CCDC51: variants seen among roughly 807,000 people sequenced by gnomAD.
The protein encoded by CCDC51 is mitochondrial potassium channel.
In CCDC51, 25 loss-of-function variants were observed where a neutral mutation model predicts 24.8. The observed-to-expected ratio is 1.01, with a 90% CI of 0.73 to 1.41. CCDC51 has a LOEUF of 1.41. Among genes scored for constraint, CCDC51 ranks in the 40% most tolerant of loss-of-function variants. The pLI is 0.00. For missense variants in CCDC51, 466 were observed against 519.1 expected (o/e 0.90, Z 0.99); for synonymous variants, 190 against 204.3 (o/e 0.93, Z 0.60).
intron 2 of CCDC51, chr3:48,434,108 A>G: frequency 1.2e-6 from 1 of 831,220 alleles, no homozygotes; most frequent in Non-Finnish European, 1.7e-6. Flanking sequence ...CATGCCCCTG[A>G]AAAAACTTGA....
chr3:48,440,267 G>C (rs1412173127), upstream of CCDC51: 1 of 1,585,872 alleles, frequency 6.3e-7, no homozygotes, highest in Non-Finnish European at 8.6e-7. Context: ...GTTTCCGGTG[G>C]CAGGGTCTGG....
At chr3:48,443,910 G>C (rs779848119), upstream of CCDC51, 64 of 1,499,860 alleles carry the variant, frequency 4.3e-5, no homozygotes, top group Non-Finnish European at 5.4e-5. Flanking sequence ...AGGAGATGGT[G>C]ACCCTTTATT....
At chr3:48,441,345 G>GT (rs1222910489), upstream of CCDC51, among the ~76,000 whole-genome samples, 2,016 of 150,482 alleles carry the variant, frequency 0.013, 39 homozygotes, top group African/African-American at 0.045. Context: ...CACCTGGCCA[G>GT]TTTTTTTTTG....
chr3:48,443,556 T>A (rs2039614796), upstream of CCDC51, among the ~76,000 whole-genome samples: 1 of 151,844 alleles, frequency 6.6e-6, no homozygotes, highest in Admixed American at 6.6e-5. Context: ...AAAAAGGACT[T>A]CTTTTTCTGT....
upstream of CCDC51, among the ~76,000 whole-genome samples, chr3:48,444,422 G>A (rs764651733): frequency 2.0e-5 from 3 of 152,008 alleles, no homozygotes; most frequent in African/African-American, 4.8e-5. Flanking sequence ...ACAGGCACCC[G>A]CCACCATGCC....
rs773933610 is a variant in CCDC51, at chr3:48,433,835, G to C, written c.349C>G (p.Arg117Gly). 1.1e-5 allele frequency: 17 copies of C among 1,613,860 alleles called. No homozygotes were observed. The highest frequency in any genetic ancestry group is 1.4e-5 in the Non-Finnish European group (16 of 1,179,996). The part of the protein sequence containing the change: ...KVFMVARGLV[R>G]EAREDLEVHQ... Reference sequence around the variant, plus strand: ...ACTTCCAAGTCCTCCCGAGCCTCTCGGACAAGCCCTCGAGCCACCATGAAC... The same window carrying C: ...ACTTCCAAGTCCTCCCGAGCCTCTCCGACAAGCCCTCGAGCCACCATGAAC... The change falls in exon 3 of 4, where the codon CGA becomes GGA. Residue 117 changes from arginine to glycine, a missense_variant. Physicochemically the swap from Arg to Gly is moderately radical, Grantham distance 125. Transcript: ENST00000395694. This position sits in a 1 kb window ranked among gnomAD's most constrained non-coding sequence, Gnocchi z 4.4.
Position 48,432,378 on chromosome 3 carries a change from C to G in CCDC51, c.*30G>C, listed in dbSNP as rs764023315. The G allele has an allele frequency of 1.2e-6, 2 of 1,610,686 alleles. No homozygotes were observed. The highest frequency in any genetic ancestry group is 1.7e-6 in the Non-Finnish European group (2 of 1,177,386). ...CTTAAATCCACATTCACAGCTATTGCCTCAGACCCTCTGGAGGAGGGGCCA... is the reference window on the plus strand; with the variant it reads ...CTTAAATCCACATTCACAGCTATTGGCTCAGACCCTCTGGAGGAGGGGCCA... On this transcript the variant is annotated 3_prime_UTR_variant, in exon 4 of 4. Coordinates refer to ENST00000395694, the MANE Select transcript of CCDC51 (RefSeq NM_001256964.2).
upstream of CCDC51, among the ~76,000 whole-genome samples, chr3:48,443,687 TTACC>T (rs2039618656): frequency 6.6e-6 from 1 of 152,140 alleles, no homozygotes; most frequent in African/African-American, 2.4e-5. Flanking sequence ...CATTTTACCT[TTACC>T]TAGAACAGAC....
chr3:48,442,815 G>C (rs1182813281), upstream of CCDC51, among the ~76,000 whole-genome samples: 1 of 152,216 alleles, frequency 6.6e-6, no homozygotes, highest in East Asian at 1.9e-4. Context: ...TAAATTGACA[G>C]AGTATACCAG....
At chr3:48,440,879 A>G (rs1210248604), upstream of CCDC51, 5 of 573,942 alleles carry the variant, frequency 8.7e-6, no homozygotes, top group African/African-American at 3.7e-5. Flanking sequence ...AAACGGAAAC[A>G]GTGAAATGTA....
In CCDC51 at chr3:48,437,616, G is replaced by A. The variant is rs965091670; in HGVS notation, c.-9+2372C>T. On this transcript the variant is annotated intron_variant, in intron 1 of 3. Transcript: ENST00000395694. The surrounding 1 kb of genome is among the most constrained non-coding windows in gnomAD (Gnocchi z 4.2). Reference sequence around the variant, plus strand: ...TCAAGTTCGGAATCCTGCCCCTTCAGATCCATTCTCCCGCTCTATGTAGAT... The same window carrying A: ...TCAAGTTCGGAATCCTGCCCCTTCAAATCCATTCTCCCGCTCTATGTAGAT... Among the ~76,000 whole-genome samples, 2 of 152,092 alleles carry A rather than the reference G, an allele frequency of 1.3e-5. No homozygotes were observed. Among genetic ancestry groups the A allele is most frequent in the Non-Finnish European group, 2.9e-5 (2 of 68,022 alleles).
chr3:48,440,120 G>C (rs987093385), upstream of CCDC51: 3 of 1,038,788 alleles, frequency 2.9e-6, no homozygotes, highest in Non-Finnish European at 4.1e-6. Flanking sequence ...CCAATCGTCT[G>C]CCACTCAGTT....
At chr3:48,446,040 G>A in the CCDC51 span, among the ~76,000 whole-genome samples, 2 of 152,000 alleles carry the variant, frequency 1.3e-5, no homozygotes, top group Non-Finnish European at 2.9e-5. Context: ...CCTCTATCCT[G>A]CTAACTTGAC....
chr3:48,446,597 C>G, the CCDC51 span: 1 of 370,038 alleles, frequency 2.7e-6, no homozygotes, highest in East Asian at 4.4e-5. Flanking sequence ...CGCACTGAGT[C>G]CTTGCAGCAA....
chr3:48,444,213 G>T, upstream of CCDC51: 1 of 206,146 alleles, frequency 4.9e-6, no homozygotes, highest in Non-Finnish European at 9.7e-6. Flanking sequence ...AAAGGATGGC[G>T]TTCTTGTGTG....
Position 48,434,902 on chromosome 3 carries a change from G to A in CCDC51, c.227C>T (p.Thr76Ile), listed in dbSNP as rs771037375. ...GTCCCACCAAGTCTTGGCTGTGGAG[G>A]TCGCTCGTTGCTGAATGCTGTGCCC... ...ALGHSIQQRA[T>I]STAKTWWDRY... Residue 76 changes from threonine (T) to isoleucine (I), a missense_variant, in exon 2 of 4, where the codon ACC becomes ATC. Coordinates refer to ENST00000395694, the MANE Select transcript of CCDC51 (RefSeq NM_001256964.2). 2 of 1,614,238 alleles carry A rather than the reference G, an allele frequency of 1.2e-6. No individual in the cohort carries two copies. The highest frequency in any genetic ancestry group is 4.5e-5 in the East Asian group (2 of 44,890).
chr3:48,434,723 CAA>C, intron 2 of CCDC51, 92 bp downstream of exon 2: 1 of 1,176,498 alleles, frequency 8.5e-7, no homozygotes, highest in Non-Finnish European at 1.2e-6. Flanking sequence ...AGGCTAAACA[CAA>C]GTCTGGATGT....
chr3:48,441,833 TG>T (rs1470654525), upstream of CCDC51, among the ~76,000 whole-genome samples: 4 of 152,192 alleles, frequency 2.6e-5, no homozygotes, highest in African/African-American at 9.6e-5. Flanking sequence ...ACAAGGATGG[TG>T]GGAGTGTCAT....
In CCDC51 at chr3:48,433,941, GCA is replaced by G; in HGVS notation, c.313-72_313-71del. 1 of 1,558,568 alleles carries G rather than the reference GCA, an allele frequency of 6.4e-7. No individual in the cohort carries two copies. On this transcript the variant is annotated intron_variant, in intron 2 of 3. Coordinates refer to ENST00000395694, the MANE Select transcript of CCDC51 (RefSeq NM_001256964.2). The surrounding 1 kb of genome is among the most constrained non-coding windows in gnomAD (Gnocchi z 4.4). ...CCACACAGGCTCAGCTGCATTCCCAGCAAGGCATTCCCAGAAGAGGTCACTGG... is the reference window on the plus strand; with the variant it reads ...CCACACAGGCTCAGCTGCATTCCCAGAGGCATTCCCAGAAGAGGTCACTGG...
Sources: allele counts gnomAD v4.1 joint callset (sites outside exome capture counted in the v4.1 genomes callset), GRCh38; gene constraint gnomAD v4.1.1; non-coding constraint Gnocchi (gnomAD v3.1); transcripts MANE v1.5; gene names NCBI Gene and HGNC (gene_info 2026-07-23, HGNC 2026-07-21).